The following DSCAM variants were observed in gnomAD, a reference collection of about 807,000 sequenced individuals.
DSCAM encodes DS cell adhesion molecule.
Under a neutral mutation model 217.7 loss-of-function variants are expected in DSCAM, and 47 were observed. That is an observed-to-expected ratio of 0.22 (90% CI 0.17 to 0.28). The LOEUF is 0.28. Ranked by LOEUF, DSCAM falls within the 10% of genes least tolerant of loss-of-function variation. The probability of loss-of-function intolerance (pLI) is 1.00; values close to 1 mark genes in which losing one functional copy is unlikely to be tolerated. For synonymous variants in DSCAM, 1,056 were observed against 1,015.3 expected, an observed-to-expected ratio of 1.04 and a Z score of -0.76; for missense variants, 2,080 against 2,618.3, an observed-to-expected ratio of 0.79 and a Z score of 4.49.
At chr21:40,306,798 G>C (rs1183336756) in intron 9 of DSCAM, among the ~76,000 whole-genome samples, 1 of 151,350 alleles carries the variant, frequency 6.6e-6, no homozygotes, top group Non-Finnish European at 1.5e-5. Flanking sequence ...AAGCCCACTT[G>C]ATCATGGTGG....
chr21:40,596,883 T>G (rs2077025304), intron 3 of DSCAM, among the ~76,000 whole-genome samples: 1 of 152,062 alleles, frequency 6.6e-6, no homozygotes. Context: ...TATATATATA[T>G]GCTCATGTTC....
At chr21:40,658,955 T>G (rs2090105650) in intron 3 of DSCAM, among the ~76,000 whole-genome samples, 1 of 152,156 alleles carries the variant, frequency 6.6e-6, no homozygotes, top group East Asian at 1.9e-4. Flanking sequence ...CCTCATCTGT[T>G]CTGATAATCG....
At chr21:40,580,807 A>C (rs2076899307) in intron 3 of DSCAM, among the ~76,000 whole-genome samples, 1 of 152,212 alleles carries the variant, frequency 6.6e-6, no homozygotes, top group African/African-American at 2.4e-5. Context: ...TGACTAACTA[A>C]AGAAAAACAA....
At chr21:40,411,988 T>C (rs2075327428) in intron 3 of DSCAM, among the ~76,000 whole-genome samples, 1 of 152,124 alleles carries the variant, frequency 6.6e-6, no homozygotes, top group South Asian at 2.1e-4. Flanking sequence ...TTCCTGTTCT[T>C]GTGGTAGTGA....
At chr21:40,652,012 A>G (rs2146361578) in intron 3 of DSCAM, among the ~76,000 whole-genome samples, 1 of 152,302 alleles carries the variant, frequency 6.6e-6, no homozygotes, top group Admixed American at 6.5e-5. Context: ...CTCTAGGGCC[A>G]TACTTCCCCA....
At chr21:40,650,165 C>T (rs923772819) in intron 3 of DSCAM, among the ~76,000 whole-genome samples, 2 of 152,044 alleles carry the variant, frequency 1.3e-5, no homozygotes, top group Non-Finnish European at 2.9e-5. Context: ...AGGTCAAATG[C>T]CCAAAACAAA....
rs775683743 is a variant in DSCAM at position 40,312,237 on chromosome 21, G to T, written c.1906C>A (p.Pro636Thr). ...ITITWQKDGR[P>T]IPGSLGVTID... Reference sequence around the variant, plus strand: ...GTCACCCCAAGGCTCCCAGGGATTGGCCGGCCATCCTTCTGCCAGGTGATC... The same window carrying T: ...GTCACCCCAAGGCTCCCAGGGATTGTCCGGCCATCCTTCTGCCAGGTGATC... Residue 636 changes from proline (P) to threonine (T), a missense_variant, in exon 9 of 33, where the codon CCA becomes ACA. Physicochemically the swap from Pro to Thr is conservative, Grantham distance 38. Transcript: ENST00000400454. 6.2e-7 allele frequency: 1 copy of T among 1,613,990 alleles called. No individual in the cohort carries two copies.
At chr21:40,056,544 TAA>T (rs5843996) in intron 28 of DSCAM, among the ~76,000 whole-genome samples, 3 of 149,954 alleles carry the variant, frequency 2.0e-5, no homozygotes, top group African/African-American at 2.4e-5. Context: ...AGCCTGCAGT[TAA>T]AAAAAAAACT....
chr21:40,662,114 T>C (rs1301198283), intron 3 of DSCAM, among the ~76,000 whole-genome samples: 1 of 73,252 alleles, frequency 1.4e-5, no homozygotes, highest in African/African-American at 2.9e-5. Context: ...ATAAGCACAT[T>C]ACGTTGTTAA....
chr21:40,057,773 C>T (rs957453348), intron 28 of DSCAM, among the ~76,000 whole-genome samples: 1 of 151,928 alleles, frequency 6.6e-6, no homozygotes, highest in Non-Finnish European at 1.5e-5. Flanking sequence ...GAAAACGGCC[C>T]AACAAGCCTT....
chr21:40,138,454 ATGTGTGGTGTAG>A (rs1287575244), intron 18 of DSCAM, among the ~76,000 whole-genome samples: 2 of 113,714 alleles, frequency 1.8e-5, no homozygotes, highest in African/African-American at 6.9e-5. Flanking sequence ...GTGTGTGTGT[ATGTGTGGTGTAG>A]TGTGTGGTGT....
At chr21:40,746,328 T>A (rs1483892605) in intron 1 of DSCAM, among the ~76,000 whole-genome samples, 2 of 145,272 alleles carry the variant, frequency 1.4e-5, no homozygotes, top group African/African-American at 2.5e-5. Flanking sequence ...TATAAAAACA[T>A]GCACAGACTA....
chr21:40,334,458 A>C (rs2074408155), intron 8 of DSCAM, among the ~76,000 whole-genome samples: 1 of 152,090 alleles, frequency 6.6e-6, no homozygotes, highest in Admixed American at 6.6e-5. Context: ...CCACTAGGAA[A>C]ACCGACTGAA....
intron 10 of DSCAM, among the ~76,000 whole-genome samples, chr21:40,293,977 G>T (rs113086313): frequency 0.011 from 1,694 of 152,284 alleles, 19 homozygotes; most frequent in Non-Finnish European, 0.018. Context: ...ATTGCTTGGG[G>T]ACAGGACTGA....
chr21:40,275,401 A>G (rs1410199845), intron 11 of DSCAM, among the ~76,000 whole-genome samples: 3 of 152,148 alleles, frequency 2.0e-5, no homozygotes, highest in Non-Finnish European at 4.4e-5. Context: ...TTCGATGGAA[A>G]ATTCCATAAA....
intron 1 of DSCAM, among the ~76,000 whole-genome samples, chr21:40,788,908 T>G (rs976747164): frequency 5.9e-5 from 9 of 152,226 alleles, no homozygotes; most frequent in African/African-American, 1.9e-4. Flanking sequence ...AGCAACCATA[T>G]AGCACCACAA....
At position 40,356,011 on chromosome 21, in the gene DSCAM, G is replaced by A. The variant is rs573688426; in HGVS notation, c.656-2268C>T. The stretch of plus-strand genomic sequence containing the variant: ...TGAATAATATTCCTTTGTGTATATA[G>A]GAATGATATTCCTATGCATGTGTGT... On this transcript the variant is annotated intron_variant, in intron 4 of 32. Coordinates refer to ENST00000400454, the MANE Select transcript of DSCAM (RefSeq NM_001389.5). Among the ~76,000 whole-genome samples the A allele has an allele frequency of 5.9e-5, 9 of 152,164 alleles. No individual in the cohort carries two copies. In the South Asian group the frequency reaches 1.9e-3, roughly 32 times the overall value.
chr21:40,625,655 T>C (rs1263771927), intron 3 of DSCAM, among the ~76,000 whole-genome samples: 1 of 152,226 alleles, frequency 6.6e-6, no homozygotes, highest in Admixed American at 6.5e-5. Flanking sequence ...TTCTCAAGGA[T>C]GTCATTACGT....
At chr21:40,353,303 G>A (rs570734667) in intron 5 of DSCAM, among the ~76,000 whole-genome samples, 162 bp downstream of exon 5, 6 of 152,308 alleles carry the variant, frequency 3.9e-5, no homozygotes, top group African/African-American at 1.4e-4. Flanking sequence ...GAATTCATCT[G>A]AGCATTAATT....
Sources: allele counts gnomAD v4.1 joint callset (sites outside exome capture counted in the v4.1 genomes callset), GRCh38; gene constraint gnomAD v4.1.1; transcripts MANE v1.5; gene names NCBI Gene and HGNC (gene_info 2026-07-23, HGNC 2026-07-21).